Variants in LY86 observed in about 807,000 individuals in gnomAD.
LY86 encodes the protein MD-1, RP105-associated.
Under a neutral mutation model 17.3 loss-of-function variants are expected in LY86, and 20 were observed. The ratio of observed to expected loss-of-function variants is 1.15; its 90% CI spans 0.81 to 1.68. The LOEUF is 1.68. LY86 is among the 40% of genes most tolerant of loss of function. The pLI is 0.00. For synonymous variants in LY86, 74 were observed against 70.6 expected, an observed-to-expected ratio of 1.05 and a Z score of -0.24; for missense variants, 200 against 191.9, an observed-to-expected ratio of 1.04 and a Z score of -0.25.
In LY86 at chr6:6,600,587, CAAAAAAAAAAAAAAAAAAA is replaced by C. The variant is rs59560744; in HGVS notation, c.136+11740_136+11758del. ...CCTGAGAGACAGAGTGAGACTCCATCAAAAAAAAAAAAAAAAAAAAAAAAAAAAAAAAAAAAAAAAAGAA... is the reference window on the plus strand; with the variant it reads ...CCTGAGAGACAGAGTGAGACTCCATCAAAAAAAAAAAAAAAAAAAAAAGAA... On this transcript the variant is annotated intron_variant, in intron 1 of 4. Transcript: ENST00000230568. Among the ~76,000 whole-genome samples, 573 of 82,384 alleles carry C rather than the reference CAAAAAAAAAAAAAAAAAAA, an allele frequency of 7.0e-3. 4 individuals carry two copies. The highest frequency in any genetic ancestry group is 0.025 in the South Asian group (59 of 2,352). 54.0% of individuals were successfully genotyped at this position (82,384 alleles called of 152,430 possible).
chr6:6,603,881 G>A (rs938982011), intron 1 of LY86, among the ~76,000 whole-genome samples: 1 of 151,930 alleles, frequency 6.6e-6, no homozygotes, highest in Non-Finnish European at 1.5e-5. Flanking sequence ...ACAGAAAAAA[G>A]CAGGTGAGGA....
chr6:6,624,872 G>C, intron 1 of LY86, 54 bp from the exon 2 acceptor site: 1 of 805,730 alleles, frequency 1.2e-6, no homozygotes, highest in Non-Finnish European at 2.1e-6. Flanking sequence ...TTTTGAATAT[G>C]TTTGCAAAAT....
chr6:6,642,846 G>A (rs1158637390), intron 3 of LY86, among the ~76,000 whole-genome samples: 1 of 152,184 alleles, frequency 6.6e-6, no homozygotes, highest in Non-Finnish European at 1.5e-5. Context: ...TCACTAGAAC[G>A]AAGCCATGCA....
chr6:6,604,931 AAAT>A (rs1384849320), intron 1 of LY86, among the ~76,000 whole-genome samples: 1 of 152,208 alleles, frequency 6.6e-6, no homozygotes, highest in Non-Finnish European at 1.5e-5. Flanking sequence ...AGAAAAGAGA[AAAT>A]AACAATCAAC....
chr6:6,611,737 A>C (rs1400835933), intron 1 of LY86, among the ~76,000 whole-genome samples: 1 of 152,148 alleles, frequency 6.6e-6, no homozygotes, highest in Non-Finnish European at 1.5e-5. Context: ...TATGCTTAAG[A>C]CTAAATCACC....
At chr6:6,608,674 G>A (rs1761257596) in intron 1 of LY86, among the ~76,000 whole-genome samples, 2 of 152,326 alleles carry the variant, frequency 1.3e-5, no homozygotes, top group East Asian at 3.9e-4. Context: ...GAAGACACAT[G>A]AACAGATGGC....
intron 1 of LY86, among the ~76,000 whole-genome samples, chr6:6,610,152 T>A (rs1225104233): frequency 6.6e-6 from 1 of 152,190 alleles, no homozygotes; most frequent in African/African-American, 2.4e-5. Context: ...AACACGTGCG[T>A]GCGTGTGAAA....
At chr6:6,617,550 A>G (rs1761582871) in intron 1 of LY86, among the ~76,000 whole-genome samples, 1 of 152,228 alleles carries the variant, frequency 6.6e-6, no homozygotes, top group Non-Finnish European at 1.5e-5. Flanking sequence ...TCATAATCAG[A>G]TGATGAAGTA....
intron 1 of LY86, among the ~76,000 whole-genome samples, chr6:6,623,626 C>G (rs548314395): frequency 2.0e-4 from 30 of 152,272 alleles, no homozygotes; most frequent in Admixed American, 5.9e-4. Flanking sequence ...TCCATTCACT[C>G]AACATGTACA....
intron 1 of LY86, among the ~76,000 whole-genome samples, chr6:6,618,443 G>A (rs1294104259): frequency 7.6e-6 from 1 of 130,830 alleles, no homozygotes; most frequent in Admixed American, 7.5e-5. Context: ...TTTTTTTTTT[G>A]CAATTAAAAG....
At chr6:6,638,977 G>A (rs1191392346) in intron 3 of LY86, among the ~76,000 whole-genome samples, 3 of 151,930 alleles carry the variant, frequency 2.0e-5, no homozygotes, top group Admixed American at 6.6e-5. Context: ...ACATGCACAC[G>A]TATGTTTATT....
intron 1 of LY86, among the ~76,000 whole-genome samples, chr6:6,616,535 A>G (rs976708423): frequency 3.9e-5 from 6 of 152,186 alleles, no homozygotes; most frequent in African/African-American, 7.2e-5. Context: ...GAGAGAATCA[A>G]CAATTCAAAT....
In LY86 at chr6:6,588,748, C is replaced by T. The variant is rs748068833; in HGVS notation, c.14C>T (p.Thr5Ile). 3.1e-6 allele frequency: 5 copies of T among 1,614,158 alleles called. No individual in the cohort carries two copies. In the Admixed American group the frequency reaches 5.0e-5, roughly 16 times the overall value. The stretch of plus-strand genomic sequence containing the variant: ...CAGGCCCCCACCATGAAGGGTTTCA[C>T]AGCCACTCTCTTCCTCTGGACTCTG... MKGF[T>I]ATLFLWTLIF... The change falls in exon 1 of 5, where the codon ACA becomes ATA. Residue 5 changes from threonine (T) to isoleucine (I), a missense_variant. Thr to Ile is a moderately conservative substitution (Grantham distance 89). Coordinates refer to ENST00000230568, the MANE Select transcript of LY86 (RefSeq NM_004271.4).
chr6:6,593,140 A>T (rs1760584189), intron 1 of LY86, among the ~76,000 whole-genome samples: 1 of 152,262 alleles, frequency 6.6e-6, no homozygotes, highest in Non-Finnish European at 1.5e-5. Flanking sequence ...AATCAATTTC[A>T]CTGGGTAGAC....
At chr6:6,589,650 G>T (rs966159124) in intron 1 of LY86, among the ~76,000 whole-genome samples, 4 of 152,118 alleles carry the variant, frequency 2.6e-5, no homozygotes, top group African/African-American at 7.2e-5. Flanking sequence ...TGGAAGCTGG[G>T]CTGGTTTCTC....
chr6:6,638,671 A>ATTC (rs1761994653), intron 3 of LY86, among the ~76,000 whole-genome samples: 1 of 151,760 alleles, frequency 6.6e-6, no homozygotes, highest in South Asian at 2.1e-4. Context: ...TTTTATTATT[A>ATTC]TTATACTTTA....
At chr6:6,606,507 G>C (rs1018676534) in intron 1 of LY86, among the ~76,000 whole-genome samples, 12 of 152,216 alleles carry the variant, frequency 7.9e-5, no homozygotes, top group African/African-American at 1.2e-4. Context: ...TGGGACCGGG[G>C]CGCCGTGTAG....
At chr6:6,599,145 C>A (rs1015886999) in intron 1 of LY86, among the ~76,000 whole-genome samples, 1 of 152,190 alleles carries the variant, frequency 6.6e-6, no homozygotes, top group Admixed American at 6.5e-5. Context: ...TTGGAATCTC[C>A]AAATAACTAA....
chr6:6,611,826 C>A (rs1761345929), intron 1 of LY86, among the ~76,000 whole-genome samples: 1 of 152,200 alleles, frequency 6.6e-6, no homozygotes, highest in Non-Finnish European at 1.5e-5. Flanking sequence ...GATAAAATAG[C>A]AGGGCTTTTG....
Sources: gnomAD v4.1 joint callset for allele counts (sites outside exome capture counted in the v4.1 genomes callset) on GRCh38, gnomAD v4.1.1 for gene constraint, MANE v1.5 for transcripts, NCBI Gene and HGNC (gene_info 2026-07-23, HGNC 2026-07-21) for gene names.